FNDC3A: variants seen among roughly 807,000 people sequenced by gnomAD.
The protein encoded by FNDC3A is fibronectin type III domain containing 3A, also known as fibronectin type-III domain-containing protein 3A.
FNDC3A carries 32 observed loss-of-function variants against 148.9 expected under a neutral mutation model. The observed-to-expected ratio is 0.21, with a 90% CI of 0.16 to 0.29. FNDC3A has a LOEUF of 0.29. Ranked by LOEUF, FNDC3A falls within the 10% of genes least tolerant of loss-of-function variation. The pLI is 1.00. For synonymous variants in FNDC3A, 472 were observed against 473.6 expected (o/e 1.00, Z 0.04); for missense variants, 1,191 against 1,452.8 (o/e 0.82, Z 2.93).
At chr13:49,162,371 T>C (rs1341035459) in intron 8 of FNDC3A, among the ~76,000 whole-genome samples, 1 of 152,198 alleles carries the variant, frequency 6.6e-6, no homozygotes, top group African/African-American at 2.4e-5. Context: ...CTTCAGTCAC[T>C]GATACCCTTT....
chr13:49,097,440 G>A (rs1879602976), intron 3 of FNDC3A, among the ~76,000 whole-genome samples: 1 of 151,972 alleles, frequency 6.6e-6, no homozygotes, highest in Admixed American at 6.6e-5. Context: ...TGAGGGTATG[G>A]GAAAAGGCCC....
At chr13:49,176,769 G>C (rs2138067563) in intron 13 of FNDC3A, among the ~76,000 whole-genome samples, 1 of 152,268 alleles carries the variant, frequency 6.6e-6, no homozygotes, top group Middle Eastern at 3.4e-3. Flanking sequence ...GCTTGTTACT[G>C]TTTGGGAGAG....
At chr13:49,047,537 C>T (rs1476179133) in intron 2 of FNDC3A, among the ~76,000 whole-genome samples, 1 of 152,152 alleles carries the variant, frequency 6.6e-6, no homozygotes, top group East Asian at 1.9e-4. Flanking sequence ...TCGCATTTCT[C>T]TGATCATTAG....
chr13:49,086,698 T>G (rs954858357), intron 3 of FNDC3A, among the ~76,000 whole-genome samples: 6 of 152,212 alleles, frequency 3.9e-5, no homozygotes, highest in Non-Finnish European at 5.9e-5. Flanking sequence ...CTTTATACAT[T>G]ACTTAAACAA....
chr13:49,143,219 C>T (rs1465954945), intron 7 of FNDC3A, among the ~76,000 whole-genome samples: 1 of 151,988 alleles, frequency 6.6e-6, no homozygotes, highest in African/African-American at 2.4e-5. Flanking sequence ...TCTGGAAAAG[C>T]AGAAATTGAA....
chr13:49,022,238 G>A (rs1873381467), intron 2 of FNDC3A, among the ~76,000 whole-genome samples: 1 of 152,148 alleles, frequency 6.6e-6, no homozygotes. Flanking sequence ...GGAAACTAAA[G>A]ACAAACCAGA....
intron 3 of FNDC3A, among the ~76,000 whole-genome samples, chr13:49,094,738 A>G (rs1450662759): frequency 6.6e-6 from 1 of 152,098 alleles, no homozygotes; most frequent in Non-Finnish European, 1.5e-5. Context: ...GCATATAGCA[A>G]GAGCATTCAA....
At chr13:48,989,899 A>G (rs1218865809) in intron 1 of FNDC3A, among the ~76,000 whole-genome samples, 1 of 151,938 alleles carries the variant, frequency 6.6e-6, no homozygotes, top group Non-Finnish European at 1.5e-5. Flanking sequence ...TTACAGGTGC[A>G]TGCCACCATG....
At chr13:49,071,268 A>G (rs79804872) in intron 2 of FNDC3A, among the ~76,000 whole-genome samples, 21 of 152,044 alleles carry the variant, frequency 1.4e-4, no homozygotes, top group African/African-American at 4.8e-4. Flanking sequence ...TTCTTTATCC[A>G]TTCATCCATT....
At chr13:49,020,066 T>C (rs545435053) in intron 2 of FNDC3A, among the ~76,000 whole-genome samples, 2 of 152,340 alleles carry the variant, frequency 1.3e-5, no homozygotes, top group South Asian at 2.1e-4. Context: ...ATATTTGTTA[T>C]GTAAGTGGTA....
chr13:49,144,189 G>C (rs975354342), intron 7 of FNDC3A, among the ~76,000 whole-genome samples: 1 of 151,518 alleles, frequency 6.6e-6, no homozygotes, highest in African/African-American at 2.4e-5. Flanking sequence ...GTAGCAGTTT[G>C]TTTTAAAAAA....
chr13:49,048,749 A>G (rs1324393333), intron 2 of FNDC3A, among the ~76,000 whole-genome samples: 4 of 152,126 alleles, frequency 2.6e-5, no homozygotes, highest in Non-Finnish European at 5.9e-5. Context: ...GTATATGATC[A>G]TATCATCAGC....
intron 3 of FNDC3A, chr13:49,110,186 C>G: frequency 2.1e-6 from 1 of 466,812 alleles, no homozygotes; most frequent in African/African-American, 2.0e-5. Flanking sequence ...ATCAGAAATG[C>G]TGCAAGCGGG....
intron 2 of FNDC3A, among the ~76,000 whole-genome samples, chr13:49,013,548 G>A (rs1952410729): frequency 6.6e-6 from 1 of 151,452 alleles, no homozygotes; most frequent in Non-Finnish European, 1.5e-5. Flanking sequence ...GTGTACATGT[G>A]TATACATATG....
chr13:49,147,188 G>A (rs1346722140), intron 8 of FNDC3A, among the ~76,000 whole-genome samples: 1 of 152,090 alleles, frequency 6.6e-6, no homozygotes, highest in East Asian at 1.9e-4. Flanking sequence ...TCAACATAAA[G>A]GTTTCTTACT....
intron 2 of FNDC3A, among the ~76,000 whole-genome samples, chr13:49,012,819 G>GTGTGTGTGTGTGTGTGTGTGTC (rs1952381502): frequency 1.3e-5 from 2 of 151,198 alleles, no homozygotes; most frequent in African/African-American, 4.9e-5. Context: ...GTGTGTGTGT[G>GTGTGTGTGTGTGTGTGTGTGTC]TGTGTGTGTG....
intron 19 of FNDC3A, among the ~76,000 whole-genome samples, chr13:49,194,491 T>C (rs191028440): frequency 6.6e-6 from 1 of 152,350 alleles, no homozygotes; most frequent in East Asian, 1.9e-4. Flanking sequence ...GTGGTATTCA[T>C]GTGAGAGTAA....
At chr13:49,180,894 C>CAAA (rs112964715) in intron 14 of FNDC3A, among the ~76,000 whole-genome samples, 1 of 137,560 alleles carries the variant, frequency 7.3e-6, no homozygotes. Flanking sequence ...GATTCTGTCT[C>CAAA]AAAAAAAAAA....
chr13:49,074,530 T>C (rs1685173479), intron 2 of FNDC3A, among the ~76,000 whole-genome samples: 2 of 152,210 alleles, frequency 1.3e-5, no homozygotes, highest in Admixed American at 1.3e-4. Context: ...AATTGAAAAC[T>C]ACCTAAATTC....
Sources: gnomAD v4.1 joint callset for allele counts (sites outside exome capture counted in the v4.1 genomes callset) on GRCh38, gnomAD v4.1.1 for gene constraint, MANE v1.5 for transcripts, NCBI Gene and HGNC (gene_info 2026-07-23, HGNC 2026-07-21) for gene names.